C1orf35: variants seen among roughly 807,000 people sequenced by gnomAD.
C1orf35 encodes chromosome 1 open reading frame 35.
A neutral mutation model predicts 30.9 loss-of-function variants in C1orf35; 36 were observed. That is an observed-to-expected ratio of 1.16 (90% CI 0.89 to 1.54). The LOEUF is 1.54. Ranked by LOEUF, C1orf35 falls within the 40% of genes most tolerant of loss-of-function variation. C1orf35 has a pLI of 0.00. For missense variants in C1orf35, 396 were observed against 358.7 expected, an observed-to-expected ratio of 1.10 and a Z score of -0.84; for synonymous variants, 179 against 148.2, an observed-to-expected ratio of 1.21 and a Z score of -1.51.
chr1:228,102,083 C>T lies in C1orf35; in HGVS notation c.530G>A (p.Ser177Asn). 1 of 1,579,382 alleles carries T rather than the reference C, an allele frequency of 6.3e-7. No homozygotes were observed. The highest frequency in any genetic ancestry group is 8.5e-7 in the Non-Finnish European group (1 of 1,170,602). Residue 177 changes from serine to asparagine, a missense_variant, in exon 6 of 8, where the codon AGC becomes AAC. Transcript: ENST00000272139. ...RKPRAEDQTE[S>N]SCESHRKSKK... ...AGCCCAGGTGGCACAGCCTCACCTGCTTTCCGTCTGATCCTCCGCCCGCGG... is the reference window on the plus strand; with the variant it reads ...AGCCCAGGTGGCACAGCCTCACCTGTTTTCCGTCTGATCCTCCGCCCGCGG...
Sources: gnomAD v4.1 joint callset for allele counts on GRCh38, gnomAD v4.1.1 for gene constraint, MANE v1.5 for transcripts, NCBI Gene and HGNC (gene_info 2026-07-23, HGNC 2026-07-21) for gene names.